LRRC4C: variants seen among roughly 807,000 people sequenced by gnomAD.
LRRC4C encodes leucine rich repeat containing 4C, also known as leucine-rich repeat-containing protein 4C.
LRRC4C carries 5 observed loss-of-function variants against 33.6 expected under a neutral mutation model. That is an observed-to-expected ratio of 0.15 (90% CI 0.08 to 0.31). The LOEUF (loss-of-function observed/expected upper bound fraction) is 0.31. Among genes scored for constraint, LRRC4C ranks in the 10% least tolerant of loss-of-function variants. LRRC4C has a pLI of 1.00. For synonymous variants in LRRC4C, 329 were observed against 302.0 expected (o/e 1.09, Z -0.93); for missense variants, 560 against 796.7 (o/e 0.70, Z 3.58).
intron 3 of LRRC4C, among the ~76,000 whole-genome samples, chr11:40,364,339 T>G (rs912591712): frequency 1.6e-4 from 25 of 152,030 alleles, no homozygotes; most frequent in African/African-American, 5.6e-4. Flanking sequence ...ACTCCTTATC[T>G]TCAAGAAAGC....
intron 3 of LRRC4C, among the ~76,000 whole-genome samples, chr11:40,504,366 C>T (rs1026445842): frequency 6.6e-6 from 1 of 151,950 alleles, no homozygotes; most frequent in African/African-American, 2.4e-5. Flanking sequence ...AAGAGGGATG[C>T]CATGGAGGAT....
intron 3 of LRRC4C, among the ~76,000 whole-genome samples, chr11:40,422,802 C>A (rs1667277104): frequency 1.3e-5 from 2 of 152,044 alleles, no homozygotes. Context: ...ATAGATTTTA[C>A]ACTTTGGAAA....
At chr11:40,544,698 G>A (rs1015528999) in intron 3 of LRRC4C, among the ~76,000 whole-genome samples, 2 of 151,988 alleles carry the variant, frequency 1.3e-5, no homozygotes, top group African/African-American at 4.8e-5. Context: ...TAGTTACTTA[G>A]ATATATTTGT....
At chr11:40,915,197 T>G (rs907681717) in intron 2 of LRRC4C, among the ~76,000 whole-genome samples, 2 of 152,034 alleles carry the variant, frequency 1.3e-5, no homozygotes, top group African/African-American at 4.8e-5. Flanking sequence ...AAAAACTACT[T>G]TAAAGTTCAT....
intron 1 of LRRC4C, among the ~76,000 whole-genome samples, chr11:41,439,418 A>T (rs1955541876): frequency 6.6e-6 from 1 of 152,146 alleles, no homozygotes; most frequent in African/African-American, 2.4e-5. Context: ...ATCAAATGGT[A>T]GTTCTATTTT....
At chr11:40,727,730 C>A (rs1947353409) in intron 2 of LRRC4C, among the ~76,000 whole-genome samples, 2 of 152,084 alleles carry the variant, frequency 1.3e-5, no homozygotes, top group Non-Finnish European at 2.9e-5. Context: ...AACCCTATTA[C>A]AAGCAGGCAA....
At chr11:40,462,484 A>G (rs1364658270) in intron 3 of LRRC4C, among the ~76,000 whole-genome samples, 1 of 151,708 alleles carries the variant, frequency 6.6e-6, no homozygotes, top group African/African-American at 2.4e-5. Flanking sequence ...AATAAATCAA[A>G]TTAAACAAAA....
At position 40,984,893 on chromosome 11, in the gene LRRC4C, CTTTTTTT is replaced by C. The variant is rs562785410; in HGVS notation, c.-495-51177_-495-51171del. On this transcript the variant is annotated intron_variant, in intron 1 of 6. Transcript: ENST00000528697. ...CACGACAACTCTGTTCTCACTGACA[CTTTTTTT>C]TTTTTTTTTTTTTTTTTTTGAGACG... Among the ~76,000 whole-genome samples, 449 of 52,264 alleles carry C rather than the reference CTTTTTTT, an allele frequency of 8.6e-3. 13 individuals carry two copies. The highest frequency in any genetic ancestry group is 0.012 in the Non-Finnish European group (328 of 27,228). The allele number at this position is 52,264 out of a possible 152,430, so 34.3% of individuals were successfully genotyped here. A position where few individuals can be genotyped will look rare whatever the true frequency, so the allele number is the denominator to read the frequency against.
intron 2 of LRRC4C, among the ~76,000 whole-genome samples, chr11:40,905,555 C>G (rs1270189507): frequency 1.3e-5 from 2 of 152,174 alleles, no homozygotes; most frequent in African/African-American, 4.8e-5. Context: ...ACTACACGTT[C>G]CATATGCTCT....
chr11:40,559,976 A>G (rs532751586), intron 3 of LRRC4C, among the ~76,000 whole-genome samples: 1 of 152,282 alleles, frequency 6.6e-6, no homozygotes, highest in African/African-American at 2.4e-5. Context: ...GCCTTAGTGA[A>G]GAAATTATCT....
intron 1 of LRRC4C, among the ~76,000 whole-genome samples, chr11:41,178,807 A>G (rs1295551205): frequency 6.6e-6 from 1 of 152,196 alleles, no homozygotes; most frequent in Non-Finnish European, 1.5e-5. Flanking sequence ...GGATTCAAGC[A>G]ATTCTCTGCC....
chr11:40,515,920 A>T (rs1026013851), intron 3 of LRRC4C, among the ~76,000 whole-genome samples: 3 of 152,032 alleles, frequency 2.0e-5, no homozygotes, highest in Admixed American at 1.3e-4. Flanking sequence ...ATTGATTAAA[A>T]TCCCTTTTAT....
At chr11:40,757,021 T>C (rs899181772) in intron 2 of LRRC4C, among the ~76,000 whole-genome samples, 7 of 152,070 alleles carry the variant, frequency 4.6e-5, no homozygotes, top group Non-Finnish European at 8.8e-5. Flanking sequence ...ACAAGCAAAT[T>C]TCATACTCTT....
chr11:41,127,522 G>A (rs563954374), intron 1 of LRRC4C, among the ~76,000 whole-genome samples: 1 of 151,908 alleles, frequency 6.6e-6, no homozygotes, highest in Non-Finnish European at 1.5e-5. Context: ...GATGACATGA[G>A]GAAATTAATA....
At chr11:40,854,560 T>C (rs1386050130) in intron 2 of LRRC4C, among the ~76,000 whole-genome samples, 2 of 152,190 alleles carry the variant, frequency 1.3e-5, no homozygotes, top group African/African-American at 4.8e-5. Context: ...TGGACTTTTT[T>C]CATTTTTAGT....
intron 3 of LRRC4C, among the ~76,000 whole-genome samples, chr11:40,404,505 C>T (rs1335671365): frequency 1.3e-5 from 2 of 152,116 alleles, no homozygotes; most frequent in African/African-American, 4.8e-5. Flanking sequence ...CTGCAATTCT[C>T]CCACATGGAT....
chr11:40,539,998 A>T (rs1166784732), intron 3 of LRRC4C, among the ~76,000 whole-genome samples: 2 of 152,180 alleles, frequency 1.3e-5, no homozygotes, highest in East Asian at 3.9e-4. Context: ...CTTCAGGAAT[A>T]AATCAGATAT....
chr11:40,572,617 C>T (rs572272361), intron 3 of LRRC4C, among the ~76,000 whole-genome samples: 1 of 152,148 alleles, frequency 6.6e-6, no homozygotes, highest in East Asian at 1.9e-4. Flanking sequence ...AGGGCAGGGG[C>T]CTGGTTTAAA....
chr11:41,326,908 C>A (rs1039528414), intron 1 of LRRC4C, among the ~76,000 whole-genome samples: 4 of 152,194 alleles, frequency 2.6e-5, no homozygotes, highest in African/African-American at 4.8e-5. Context: ...ATATAGAAAT[C>A]TCTTATATAT....
Sources: gnomAD v4.1 joint callset for allele counts (sites outside exome capture counted in the v4.1 genomes callset) on GRCh38, gnomAD v4.1.1 for gene constraint, MANE v1.5 for transcripts, NCBI Gene and HGNC (gene_info 2026-07-23, HGNC 2026-07-21) for gene names.